Variants in STAU1 observed in about 807,000 individuals in gnomAD.
STAU1 encodes staufen double-stranded RNA binding protein 1, also known as double-stranded RNA-binding protein Staufen homolog 1.
A neutral mutation model predicts 62.9 loss-of-function variants in STAU1; 13 were observed. The ratio of observed to expected loss-of-function variants is 0.21; its 90% confidence interval spans 0.13 to 0.33. The LOEUF (loss-of-function observed/expected upper bound fraction) is 0.33, where lower values mean the gene tolerates loss of function less well. Ranked by LOEUF, STAU1 falls within the 10% of genes least tolerant of loss-of-function variation. The pLI is 1.00. For missense variants in STAU1, 571 were observed against 712.1 expected, an observed-to-expected ratio of 0.80 and a Z score of 2.25; for synonymous variants, 269 against 265.1, an observed-to-expected ratio of 1.01 and a Z score of -0.14.
upstream of STAU1, among the ~76,000 whole-genome samples, chr20:49,191,786 T>G (rs1359525670): frequency 6.6e-6 from 1 of 152,076 alleles, no homozygotes; most frequent in African/African-American, 2.4e-5. Flanking sequence ...CGCAGTGGCT[T>G]ACACCTGTAA....
the STAU1 span, among the ~76,000 whole-genome samples, chr20:49,216,664 AT>A: frequency 6.6e-6 from 1 of 151,824 alleles, no homozygotes; most frequent in African/African-American, 2.4e-5. Context: ...AAAATAAGAA[AT>A]TTTTTTTTCC....
intron 3 of STAU1, among the ~76,000 whole-genome samples, chr20:49,163,419 C>CTTTTTTTTTTT (rs200864480): frequency 1.2e-5 from 1 of 82,440 alleles, no homozygotes; most frequent in Non-Finnish European, 2.2e-5. Context: ...GTGTTTAAAC[C>CTTTTTTTTTTT]TTTTTTTTTT....
the STAU1 span, among the ~76,000 whole-genome samples, chr20:49,216,762 G>T: frequency 6.6e-6 from 1 of 152,146 alleles, no homozygotes; most frequent in Non-Finnish European, 1.5e-5. Context: ...TAGGCTGGGG[G>T]TGAAAGTTGA....
At chr20:49,129,271 TAAA>T (rs1299489657) in intron 6 of STAU1, among the ~76,000 whole-genome samples, 13 of 131,212 alleles carry the variant, frequency 9.9e-5, no homozygotes, top group African/African-American at 3.8e-4. Context: ...AGAATGACTT[TAAA>T]AAAAAATTTT....
intron 1 of STAU1, among the ~76,000 whole-genome samples, chr20:49,181,644 T>C (rs1025212275): frequency 4.0e-5 from 6 of 151,876 alleles, no homozygotes; most frequent in African/African-American, 1.2e-4. Flanking sequence ...TGCTCAATTG[T>C]AGTCTCAGCT....
Position 49,151,674 on chromosome 20 carries a change from C to A in STAU1, c.418G>T (p.Gly140Cys). The A allele has an allele frequency of 1.9e-6, 3 of 1,613,016 alleles. No individual in the cohort carries two copies. Among genetic ancestry groups the A allele is most frequent in the Non-Finnish European group, 2.5e-6 (3 of 1,179,614 alleles). ...GCAGCCTGTCTTGTCTTTCCTTTGC[C>A]ATTAAATTGCTGTCCTCCCACAGAA... is the stretch of plus-strand genomic sequence containing the variant. ...ELSVGGQQFN[G>C]KGKTRQAAKH... Residue 140 changes from glycine to cysteine, a missense_variant, in exon 5 of 14, where the codon GGC becomes TGC. This residue lies in a region of STAU1 where 414 missense variants were observed against 499.6 expected (regional missense o/e 0.83). Coordinates refer to ENST00000371856, the MANE Select transcript of STAU1 (RefSeq NM_017453.4).
At chr20:49,183,442 G>C (rs1046102860) in intron 1 of STAU1, among the ~76,000 whole-genome samples, 70 of 152,174 alleles carry the variant, frequency 4.6e-4, no homozygotes, top group African/African-American at 1.6e-3. Context: ...GATGACTTGA[G>C]CTCAGGAGTT....
At chr20:49,159,789 T>C (rs1415542394) in intron 3 of STAU1, among the ~76,000 whole-genome samples, 1 of 152,186 alleles carries the variant, frequency 6.6e-6, no homozygotes, top group Non-Finnish European at 1.5e-5. Flanking sequence ...CTCAAACTCC[T>C]GACCTCAAGT....
chr20:49,204,644 ATATTTTTTTTTTTTT>A, the STAU1 span, among the ~76,000 whole-genome samples: 30 of 41,426 alleles, frequency 7.2e-4, 1 homozygote, highest in South Asian at 5.9e-3. Context: ...ATATATATAT[ATATTTTTTTTTTTTT>A]TTTTTTTTTT....
At chr20:49,213,545 G>A in the STAU1 span, among the ~76,000 whole-genome samples, 1 of 152,060 alleles carries the variant, frequency 6.6e-6, no homozygotes, top group Non-Finnish European at 1.5e-5. Flanking sequence ...TTTTAATGTG[G>A]GGCGATTATA....
At chr20:49,171,464 T>C (rs1414131565) in intron 2 of STAU1, among the ~76,000 whole-genome samples, 1 of 151,056 alleles carries the variant, frequency 6.6e-6, no homozygotes, top group African/African-American at 2.4e-5. Flanking sequence ...CCCGGCTAAT[T>C]TTTTTTTTGT....
intron 1 of STAU1, among the ~76,000 whole-genome samples, chr20:49,181,766 CAAAAAA>C (rs758956478): frequency 4.1e-5 from 1 of 24,564 alleles, no homozygotes; most frequent in Non-Finnish European, 7.1e-5. Flanking sequence ...ACTATCTCAA[CAAAAAA>C]AAAAAAAAAA....
chr20:49,206,901 G>T, the STAU1 span, among the ~76,000 whole-genome samples: 1 of 150,672 alleles, frequency 6.6e-6, no homozygotes, highest in Non-Finnish European at 1.5e-5. Flanking sequence ...GATTACAGGC[G>T]TGCGCCACCA....
the STAU1 span, among the ~76,000 whole-genome samples, chr20:49,216,007 C>CAAAAAAAAAAAAAAAA: frequency 8.2e-5 from 3 of 36,456 alleles, no homozygotes; most frequent in African/African-American, 9.1e-5. Flanking sequence ...GACTATGTCT[C>CAAAAAAAAAAAAAAAA]AAAAAAAAAA....
chr20:49,116,928 T>TGA, intron 12 of STAU1, among the ~76,000 whole-genome samples, 198 bp downstream of exon 12: 1 of 152,194 alleles, frequency 6.6e-6, no homozygotes, highest in South Asian at 2.1e-4. Context: ...TGATGAGTTC[T>TGA]GATCAAGAGT....
chr20:49,207,815 C>T, the STAU1 span, among the ~76,000 whole-genome samples: 2 of 151,892 alleles, frequency 1.3e-5, no homozygotes, highest in African/African-American at 4.8e-5. Context: ...CCACCACGCC[C>T]GGCTCCAAAT....
chr20:49,144,865 A>G (rs749567706), intron 5 of STAU1, among the ~76,000 whole-genome samples: 2 of 152,142 alleles, frequency 1.3e-5, no homozygotes, highest in Non-Finnish European at 2.9e-5. Flanking sequence ...CATATTTGGG[A>G]GTAGATGATG....
At chr20:49,165,038 ATTTATTTATTT>A (rs888915993) in intron 3 of STAU1, among the ~76,000 whole-genome samples, 3 of 151,850 alleles carry the variant, frequency 2.0e-5, no homozygotes, top group South Asian at 2.1e-4. Context: ...TGGGAATTTT[ATTTATTTATTT>A]TTTATTTATT....
chr20:49,162,832 C>T (rs1054314870), intron 3 of STAU1, among the ~76,000 whole-genome samples: 1 of 150,338 alleles, frequency 6.7e-6, no homozygotes, highest in African/African-American at 2.4e-5. Flanking sequence ...AAGGAGGAAA[C>T]TGAAAGGAAA....
Sources: gnomAD v4.1 joint callset for allele counts (sites outside exome capture counted in the v4.1 genomes callset) on GRCh38, gnomAD v4.1.1 for gene constraint, gnomAD v4.1.1 regional missense constraint, MANE v1.5 for transcripts, NCBI Gene and HGNC (gene_info 2026-07-23, HGNC 2026-07-21) for gene names.